PRKN: variants seen among roughly 807,000 people sequenced by gnomAD.
The protein encoded by PRKN is parkin RBR E3 ubiquitin protein ligase.
PRKN carries 56 observed loss-of-function variants against 59.5 expected under a neutral mutation model. The observed-to-expected ratio is 0.94, with a 90% CI of 0.76 to 1.18. PRKN has a LOEUF of 1.18. Ranked by LOEUF, PRKN falls within the 50% of genes most tolerant of loss-of-function variation. PRKN has a pLI of 0.00. For synonymous variants in PRKN, 250 were observed against 222.1 expected, an observed-to-expected ratio of 1.13 and a Z score of -1.12; for missense variants, 657 against 596.4, an observed-to-expected ratio of 1.10 and a Z score of -1.06.
At chr6:161,791,570 T>C (rs941276130) in intron 6 of PRKN, among the ~76,000 whole-genome samples, 1 of 152,212 alleles carries the variant, frequency 6.6e-6, no homozygotes, top group Non-Finnish European at 1.5e-5. Context: ...TCTTCATTTA[T>C]ACTCATTAAG....
chr6:162,363,600 T>G (rs1045039485), intron 2 of PRKN, among the ~76,000 whole-genome samples: 2 of 125,930 alleles, frequency 1.6e-5, no homozygotes, highest in African/African-American at 6.2e-5. Flanking sequence ...TTTTTAAAAA[T>G]GAAGCAAAGA....
intron 6 of PRKN, among the ~76,000 whole-genome samples, chr6:161,934,056 T>A (rs1779265380): frequency 6.6e-6 from 1 of 152,116 alleles, no homozygotes. Context: ...ATCCCCATAA[T>A]CCCCAGGTAA....
At chr6:162,284,285 C>T (rs138073796) in intron 2 of PRKN, among the ~76,000 whole-genome samples, 172 of 129,538 alleles carry the variant, frequency 1.3e-3, no homozygotes, top group East Asian at 8.7e-3. Context: ...AGTGCAATGG[C>T]GCAATCTCGG....
intron 7 of PRKN, among the ~76,000 whole-genome samples, chr6:161,734,546 C>T (rs937444150): frequency 6.6e-6 from 1 of 152,132 alleles, no homozygotes; most frequent in African/African-American, 2.4e-5. Flanking sequence ...CTTGTGGAAA[C>T]TGAGGGGTAA....
At chr6:161,680,775 ATT>A (rs869253616) in intron 7 of PRKN, among the ~76,000 whole-genome samples, 38 of 30,634 alleles carry the variant, frequency 1.2e-3, no homozygotes, top group African/African-American at 2.3e-3. Flanking sequence ...ATATATATAT[ATT>A]TTTTTTTTTT....
intron 6 of PRKN, among the ~76,000 whole-genome samples, chr6:161,797,696 A>G (rs549918075): frequency 3.1e-4 from 47 of 152,356 alleles, no homozygotes; most frequent in Admixed American, 6.5e-4. Context: ...ATGTCTCAAC[A>G]TGAGAAGGTA....
intron 2 of PRKN, among the ~76,000 whole-genome samples, chr6:162,374,030 A>G (rs1171545012): frequency 6.6e-6 from 1 of 152,194 alleles, no homozygotes; most frequent in Non-Finnish European, 1.5e-5. Context: ...GATCTTCGTG[A>G]TTGGAACAAG....
Position 162,023,108 on chromosome 6 carries a change from C to T in PRKN, c.618+30983G>A, listed in dbSNP as rs148647886. Among the ~76,000 whole-genome samples, 993 of 152,008 alleles carry T rather than the reference C, an allele frequency of 6.5e-3. 12 individuals carry two copies. The highest frequency in any genetic ancestry group is 0.022 in the African/African-American group (929 of 41,470). ...GGGTGTGGCTTGCTTCTTCAGAGCC[C>T]TGCTGCTCCAACCTCTAGGTGAACA... On this transcript the variant is annotated intron_variant, in intron 5 of 11. Coordinates refer to ENST00000366898, the MANE Select transcript of PRKN (RefSeq NM_004562.3).
intron 7 of PRKN, among the ~76,000 whole-genome samples, chr6:161,656,635 GTC>G (rs769036215): frequency 8.5e-5 from 13 of 152,100 alleles, no homozygotes; most frequent in Non-Finnish European, 1.8e-4. Flanking sequence ...CCAAATCTCT[GTC>G]TCTAGCCCCA....
chr6:161,706,303 G>A (rs1206134009), intron 7 of PRKN, among the ~76,000 whole-genome samples: 3 of 152,140 alleles, frequency 2.0e-5, no homozygotes, highest in African/African-American at 4.8e-5. Flanking sequence ...GATCCCACCC[G>A]CTTTTCAGGA....
chr6:162,084,584 TTG>T (rs1191596327), intron 4 of PRKN, among the ~76,000 whole-genome samples: 2 of 152,134 alleles, frequency 1.3e-5, no homozygotes, highest in Non-Finnish European at 2.9e-5. Context: ...AATGAAATAA[TTG>T]TGTTATACTG....
chr6:162,216,195 T>G (rs1583212346), intron 3 of PRKN, among the ~76,000 whole-genome samples: 1 of 152,164 alleles, frequency 6.6e-6, no homozygotes, highest in South Asian at 2.1e-4. Flanking sequence ...TTTTCCAAAC[T>G]AATTAAACAA....
intron 7 of PRKN, among the ~76,000 whole-genome samples, chr6:161,755,840 C>T (rs919506459): frequency 2.6e-5 from 4 of 152,058 alleles, no homozygotes; most frequent in Non-Finnish European, 4.4e-5. Flanking sequence ...AATGTCTTAT[C>T]AAGCAGGTGA....
intron 2 of PRKN, among the ~76,000 whole-genome samples, chr6:162,279,387 G>C (rs916305273): frequency 6.8e-6 from 1 of 147,428 alleles, no homozygotes; most frequent in Non-Finnish European, 1.5e-5. Context: ...GAGAGAGAGG[G>C]AAAGAAAGAA....
chr6:162,514,513 C>T (rs1253299619), intron 1 of PRKN, among the ~76,000 whole-genome samples: 19 of 152,170 alleles, frequency 1.2e-4, no homozygotes, highest in Admixed American at 1.2e-3. Flanking sequence ...TCTCTCTGTC[C>T]TCTTCTCCTC....
rs565690951 is a variant in PRKN, at chr6:161,816,782, A to G, written c.735-30874T>C. Among the ~76,000 whole-genome samples the G allele has an allele frequency of 3.3e-5, 5 of 152,160 alleles. No individual in the cohort carries two copies. The East Asian group carries it at 9.7e-4, about 29-fold the overall frequency. ...TCACTTTCTTAACCCCAATTTTGCT[A>G]TTGAGCAACGTGTAAAAGGATTGTC... is the stretch of plus-strand genomic sequence containing the variant. On this transcript the variant is annotated intron_variant, in intron 6 of 11. Transcript: ENST00000366898.
At chr6:161,828,188 G>A (rs1425879602) in intron 6 of PRKN, among the ~76,000 whole-genome samples, 1 of 152,144 alleles carries the variant, frequency 6.6e-6, no homozygotes, top group Non-Finnish European at 1.5e-5. Flanking sequence ...AATAACAGAA[G>A]TAACAGACCC....
At chr6:162,498,183 T>C (rs1050001220) in intron 1 of PRKN, among the ~76,000 whole-genome samples, 2 of 152,112 alleles carry the variant, frequency 1.3e-5, no homozygotes, top group African/African-American at 4.8e-5. Context: ...TTTGTGCTTA[T>C]TGCTACTTAC....
At chr6:161,933,461 C>A (rs1379463156) in intron 6 of PRKN, among the ~76,000 whole-genome samples, 1 of 152,170 alleles carries the variant, frequency 6.6e-6, no homozygotes, top group African/African-American at 2.4e-5. Flanking sequence ...GCTTAATAGA[C>A]AACTGATGGG....
Sources: gnomAD v4.1 joint callset for allele counts (sites outside exome capture counted in the v4.1 genomes callset) on GRCh38, gnomAD v4.1.1 for gene constraint, MANE v1.5 for transcripts, NCBI Gene and HGNC (gene_info 2026-07-23, HGNC 2026-07-21) for gene names.